The following VSTM2B variants were observed in gnomAD, a reference collection of about 807,000 sequenced individuals.
VSTM2B encodes the protein V-set and transmembrane domain containing 2B, also known as V-set and transmembrane domain-containing protein 2B.
In VSTM2B, 24 loss-of-function variants were observed where a neutral mutation model predicts 24.0. That is an observed-to-expected ratio of 1.00 (90% CI 0.72 to 1.40). VSTM2B has a LOEUF of 1.40. VSTM2B is among the 40% of genes most tolerant of loss of function. The pLI is 0.00. For synonymous variants in VSTM2B, 226 were observed against 194.4 expected (o/e 1.16, Z -1.35); for missense variants, 399 against 416.4 (o/e 0.96, Z 0.36).
At chr19:29,535,297 G>T (rs1969860658) in intron 4 of VSTM2B, among the ~76,000 whole-genome samples, 1 of 152,296 alleles carries the variant, frequency 6.6e-6, no homozygotes, top group South Asian at 2.1e-4. Context: ...AATGGAAAAG[G>T]CACCGCAGTA....
chr19:29,561,459 A>G (rs1970523959), intron 4 of VSTM2B, among the ~76,000 whole-genome samples: 1 of 151,932 alleles, frequency 6.6e-6, no homozygotes, highest in Non-Finnish European at 1.5e-5. Context: ...CCCCGTGTCT[A>G]CTAAAAACAC....
intron 4 of VSTM2B, among the ~76,000 whole-genome samples, chr19:29,558,001 A>G (rs529493977): frequency 3.9e-4 from 60 of 152,290 alleles, no homozygotes; most frequent in African/African-American, 1.4e-3. Context: ...ACAAATTTAC[A>G]AGAAAAAAAC....
intron 4 of VSTM2B, among the ~76,000 whole-genome samples, chr19:29,560,088 T>A (rs1221362849): frequency 6.6e-6 from 1 of 152,046 alleles, no homozygotes; most frequent in Non-Finnish European, 1.5e-5. Context: ...CATGTGACAG[T>A]GGGTTCTAGG....
At chr19:29,553,794 C>T (rs1033031841) in intron 4 of VSTM2B, among the ~76,000 whole-genome samples, 3 of 151,992 alleles carry the variant, frequency 2.0e-5, no homozygotes, top group Admixed American at 6.6e-5. Flanking sequence ...TATCAATAGC[C>T]GAATTGACCA....
chr19:29,527,077 G>A lies in VSTM2B; in HGVS notation c.83-134G>A, dbSNP rs1038265785. 7.5e-6 allele frequency: 6 copies of A among 800,876 alleles called. No homozygotes were observed. The East Asian group carries it at 8.4e-5, about 11-fold the overall frequency. 49.6% of individuals were successfully genotyped at this position (800,876 alleles called of 1,614,324 possible). Reference sequence around the variant, plus strand: ...TTCCCCGAACTTTGCTAGCCCCTCCGGCCGTGCGCCAGGGAGCAGCTGCGG... The same window carrying A: ...TTCCCCGAACTTTGCTAGCCCCTCCAGCCGTGCGCCAGGGAGCAGCTGCGG... On this transcript the variant is annotated intron_variant, in intron 1 of 4. Transcript: ENST00000335523.
intron 2 of VSTM2B, among the ~76,000 whole-genome samples, chr19:29,527,598 C>T (rs1350797408): frequency 3.3e-5 from 5 of 152,252 alleles, no homozygotes; most frequent in African/African-American, 9.6e-5. Context: ...GACAGCATCG[C>T]TGTTCCCACC....
chr19:29,536,666 C>T (rs924656742), intron 4 of VSTM2B, among the ~76,000 whole-genome samples: 3 of 152,194 alleles, frequency 2.0e-5, no homozygotes, highest in South Asian at 2.1e-4. Context: ...GAAGACAGAG[C>T]GCTCTCTCTG....
intron 4 of VSTM2B, among the ~76,000 whole-genome samples, chr19:29,533,563 C>G (rs902182601): frequency 3.3e-5 from 5 of 152,238 alleles, no homozygotes; most frequent in African/African-American, 7.2e-5. Flanking sequence ...GGTTCTGCTC[C>G]AGGCACTCTA....
chr19:29,551,212 C>T (rs1970277908), intron 4 of VSTM2B, among the ~76,000 whole-genome samples: 1 of 152,220 alleles, frequency 6.6e-6, no homozygotes, highest in Admixed American at 6.5e-5. Context: ...AGTCCCAGCC[C>T]ATATGGGTAT....
intron 4 of VSTM2B, among the ~76,000 whole-genome samples, chr19:29,557,131 T>A (rs1313943708): frequency 1.3e-5 from 2 of 152,176 alleles, no homozygotes; most frequent in Non-Finnish European, 2.9e-5. Flanking sequence ...GACTTCAAAC[T>A]ATACTACAGG....
chr19:29,539,858 C>A (rs901696200), intron 4 of VSTM2B, among the ~76,000 whole-genome samples: 2 of 152,202 alleles, frequency 1.3e-5, no homozygotes, highest in African/African-American at 4.8e-5. Flanking sequence ...CTCCACCCCT[C>A]ACGCCCATGT....
At chr19:29,563,093 G>A (rs1970572004) in intron 4 of VSTM2B, among the ~76,000 whole-genome samples, 2 of 152,152 alleles carry the variant, frequency 1.3e-5, no homozygotes, top group Non-Finnish European at 2.9e-5. Flanking sequence ...GTGTGAAGCT[G>A]TGCAGTTTAG....
At chr19:29,529,096 G>T in intron 3 of VSTM2B, 1 of 985,488 alleles carries the variant, frequency 1.0e-6, no homozygotes, top group Non-Finnish European at 1.2e-6. Flanking sequence ...TCGGTTCAGA[G>T]GTGAGGGCTC....
rs934237859 is a variant in VSTM2B at position 29,564,231 on chromosome 19, C to T, written c.*297C>T. ...TTTCCCTCCAAGTCTTCATTTTGCA[C>T]GAACTGTTGAGCAGTTATCTTTAGG... On this transcript the variant is annotated 3_prime_UTR_variant, in exon 5 of 5. Transcript: ENST00000335523. 16 of 287,800 alleles carry T rather than the reference C, an allele frequency of 5.6e-5. No individual in the cohort carries two copies. The highest frequency in any genetic ancestry group is 1.4e-4 in the Admixed American group (3 of 20,940). 17.8% of individuals were successfully genotyped at this position (287,800 alleles called of 1,614,324 possible).
Position 29,526,651 on chromosome 19 carries a change from T to C in VSTM2B, c.68T>C (p.Leu23Pro). 1 of 1,528,964 alleles carries C rather than the reference T, an allele frequency of 6.5e-7. No individual in the cohort carries two copies. Among genetic ancestry groups the C allele is most frequent in the Non-Finnish European group, 8.7e-7 (1 of 1,143,028 alleles). The allele number at this position is 1,528,964 out of a possible 1,614,324, so 94.7% of individuals were successfully genotyped here. The change falls in exon 1 of 5, where the codon CTC becomes CCC. Residue 23 changes from leucine to proline, a missense_variant. By Grantham distance (98) the Leu-to-Pro change is moderately conservative. Coordinates refer to ENST00000335523, the MANE Select transcript of VSTM2B (RefSeq NM_001146339.2). This position sits in a 1 kb window ranked among gnomAD's most constrained non-coding sequence, Gnocchi z 4.1. The part of the protein sequence containing the change: ...LPPLLLHALL[L>P]FVADAAFTEV... ...CCTCTGCTGCTGCATGCCCTGCTGC[T>C]CTTCGTGGCCGACGGTGAGCGCGGG... is the stretch of plus-strand genomic sequence containing the variant.
intron 4 of VSTM2B, among the ~76,000 whole-genome samples, chr19:29,537,856 C>T (rs1490331457): frequency 6.6e-6 from 1 of 151,920 alleles, no homozygotes; most frequent in Non-Finnish European, 1.5e-5. Context: ...AGTTGAGCAC[C>T]CAATGCCCGC....
chr19:29,536,399 C>A (rs979925064), intron 4 of VSTM2B, among the ~76,000 whole-genome samples: 1 of 152,224 alleles, frequency 6.6e-6, no homozygotes, highest in Non-Finnish European at 1.5e-5. Context: ...GATGCCCCCT[C>A]TCTCCTTCCC....
intron 3 of VSTM2B, 90 bp from the exon 4 acceptor site, chr19:29,529,729 T>TG (rs1599875220): frequency 7.8e-7 from 1 of 1,276,446 alleles, no homozygotes; most frequent in East Asian, 2.6e-5. Flanking sequence ...AGTGTTGGGG[T>TG]GCGCGGATGA....
At chr19:29,535,186 T>G (rs1365981208) in intron 4 of VSTM2B, among the ~76,000 whole-genome samples, 1 of 152,246 alleles carries the variant, frequency 6.6e-6, no homozygotes, top group Admixed American at 6.5e-5. Flanking sequence ...CTAATTAATC[T>G]GAATGCTGAC....
Sources: allele counts gnomAD v4.1 joint callset (sites outside exome capture counted in the v4.1 genomes callset), GRCh38; gene constraint gnomAD v4.1.1; non-coding constraint Gnocchi (gnomAD v3.1); transcripts MANE v1.5; gene names NCBI Gene and HGNC (gene_info 2026-07-23, HGNC 2026-07-21).